The following PARD3 variants were observed in gnomAD, a reference collection of about 807,000 sequenced individuals.
The protein encoded by PARD3 is partitioning defective 3 homolog.
Under a neutral mutation model 155.4 loss-of-function variants are expected in PARD3, and 75 were observed. That is an observed-to-expected ratio of 0.48 (90% CI 0.40 to 0.58). The LOEUF is 0.58. Among genes scored for constraint, PARD3 ranks in the 20% least tolerant of loss-of-function variants. The pLI is 0.00. For synonymous variants in PARD3, 576 were observed against 610.5 expected, an observed-to-expected ratio of 0.94 and a Z score of 0.83; for missense variants, 1,642 against 1,721.7, an observed-to-expected ratio of 0.95 and a Z score of 0.82.
At chr10:34,576,663 C>T (rs1438307861) in intron 2 of PARD3, among the ~76,000 whole-genome samples, 35 of 152,116 alleles carry the variant, frequency 2.3e-4, no homozygotes, top group Non-Finnish European at 2.1e-4. Context: ...AAGGAGATGA[C>T]TGTGTGAATT....
At chr10:34,622,454 A>T (rs1302295046) in intron 2 of PARD3, among the ~76,000 whole-genome samples, 1 of 152,196 alleles carries the variant, frequency 6.6e-6, no homozygotes. Context: ...ACTTTCATCT[A>T]AAAAGCTGGC....
chr10:34,504,343 G>C (rs545775861), intron 3 of PARD3, among the ~76,000 whole-genome samples: 1 of 149,768 alleles, frequency 6.7e-6, no homozygotes, highest in South Asian at 2.1e-4. Flanking sequence ...TGCTGGTCTT[G>C]AACTCCTGGC....
intron 22 of PARD3, among the ~76,000 whole-genome samples, chr10:34,220,812 C>T (rs1013426531): frequency 6.6e-6 from 1 of 152,160 alleles, no homozygotes; most frequent in Non-Finnish European, 1.5e-5. Flanking sequence ...TATGATTCCC[C>T]AAACAGTTTG....
intron 23 of PARD3, among the ~76,000 whole-genome samples, chr10:34,123,193 T>C (rs1421407871): frequency 2.0e-5 from 3 of 152,166 alleles, no homozygotes; most frequent in African/African-American, 7.2e-5. Flanking sequence ...GATTGTAAGA[T>C]GGAAATAAAC....
intron 3 of PARD3, among the ~76,000 whole-genome samples, chr10:34,497,525 T>C (rs1266828489): frequency 6.6e-6 from 1 of 152,208 alleles, no homozygotes; most frequent in East Asian, 1.9e-4. Flanking sequence ...ATTAAGGTTA[T>C]ATTTTTTTAA....
intron 19 of PARD3, among the ~76,000 whole-genome samples, chr10:34,317,718 A>G (rs1452648153): frequency 6.6e-6 from 1 of 152,222 alleles, no homozygotes. Context: ...GAAAGAAAAT[A>G]AGCAGGCCTT....
At chr10:34,210,459 C>T (rs1002033879) in intron 22 of PARD3, among the ~76,000 whole-genome samples, 65 of 152,128 alleles carry the variant, frequency 4.3e-4, no homozygotes, top group Middle Eastern at 3.2e-3. Context: ...CTTTTAGACA[C>T]CACCTTCTGC....
intron 12 of PARD3, among the ~76,000 whole-genome samples, chr10:34,365,071 T>C (rs1432422483): frequency 6.6e-6 from 1 of 152,194 alleles, no homozygotes; most frequent in Non-Finnish European, 1.5e-5. Context: ...TGTAAAAAAA[T>C]GGTACAATAT....
At chr10:34,634,794 A>G (rs112593214) in intron 2 of PARD3, among the ~76,000 whole-genome samples, 75 of 152,344 alleles carry the variant, frequency 4.9e-4, no homozygotes, top group South Asian at 1.0e-3. Flanking sequence ...CAGAACTGGG[A>G]GCTTTTTCAG....
rs61342514 is a variant in PARD3 at position 34,727,878 on chromosome 10, CCACACACA to C, written c.121-31467_121-31460del. Among the ~76,000 whole-genome samples, 526 of 144,722 alleles carry C rather than the reference CCACACACA, an allele frequency of 3.6e-3. 1 individual carries two copies. Among genetic ancestry groups the C allele is most frequent in the African/African-American group, 0.013 (491 of 38,494 alleles). The allele number at this position is 144,722 out of a possible 152,430, so 94.9% of individuals were successfully genotyped here. A position where few individuals can be genotyped will look rare whatever the true frequency, so the allele number is the denominator to read the frequency against. On this transcript the variant is annotated intron_variant, in intron 1 of 24. Transcript: ENST00000374788. Reference sequence around the variant, plus strand: ...ACAAGTATGCAACCCCCTCCCTCCGCCACACACACACACACACACACACACACACCACT... The same window carrying C: ...ACAAGTATGCAACCCCCTCCCTCCGCCACACACACACACACACACACCACT...
chr10:34,623,454 T>A (rs1173686208), intron 2 of PARD3, among the ~76,000 whole-genome samples: 2 of 152,250 alleles, frequency 1.3e-5, no homozygotes, highest in East Asian at 3.8e-4. Context: ...ATAACTTAAA[T>A]CTTCAACTTT....
At chr10:34,242,748 A>G (rs1468594435) in intron 22 of PARD3, among the ~76,000 whole-genome samples, 1 of 152,166 alleles carries the variant, frequency 6.6e-6, no homozygotes, top group Admixed American at 6.5e-5. Flanking sequence ...AGCCTGACCA[A>G]CATGGTGAAA....
chr10:34,668,079 T>C (rs758130233), intron 2 of PARD3, among the ~76,000 whole-genome samples: 1 of 151,798 alleles, frequency 6.6e-6, no homozygotes, highest in African/African-American at 2.4e-5. Context: ...GGTGGAAAAA[T>C]AAGCAAGACA....
intron 2 of PARD3, among the ~76,000 whole-genome samples, chr10:34,662,741 A>G (rs1352323776): frequency 1.3e-5 from 2 of 152,088 alleles, no homozygotes; most frequent in Non-Finnish European, 2.9e-5. Flanking sequence ...GCGTGGTATT[A>G]GATGCCTGTA....
intron 1 of PARD3, among the ~76,000 whole-genome samples, chr10:34,765,036 T>C (rs983832704): frequency 6.6e-6 from 1 of 152,186 alleles, no homozygotes; most frequent in Non-Finnish European, 1.5e-5. Context: ...TTGCCAACTA[T>C]TAGACTTTAG....
In PARD3 at chr10:34,231,217, G is replaced by T. The variant is rs527455912; in HGVS notation, c.3419+38440C>A. ...CTTACAGGAAAAAATATATACATGA[G>T]ATATTTTTTCCTTTTGACATACACT... On this transcript the variant is annotated intron_variant, in intron 22 of 24. Coordinates refer to ENST00000374788, the MANE Select transcript of PARD3 (RefSeq NM_001184785.2). 3.7e-4 allele frequency among the ~76,000 whole-genome samples: 45 copies of T among 120,462 alleles called. 1 individual carries two copies. The highest frequency in any genetic ancestry group is 1.3e-3 in the African/African-American group (43 of 32,030). The allele number at this position is 120,462 out of a possible 152,430, so 79.0% of individuals were successfully genotyped here.
At chr10:34,261,021 G>A (rs1170410036) in intron 22 of PARD3, among the ~76,000 whole-genome samples, 1 of 152,074 alleles carries the variant, frequency 6.6e-6, no homozygotes, top group African/African-American at 2.4e-5. Flanking sequence ...TGTGATTATG[G>A]TATTTATGTT....
chr10:34,319,446 G>A (rs1340807407), intron 19 of PARD3, among the ~76,000 whole-genome samples: 1 of 151,822 alleles, frequency 6.6e-6, no homozygotes, highest in African/African-American at 2.4e-5. Flanking sequence ...CTCATTGTAA[G>A]CCATTGTCTT....
chr10:34,683,999 T>C (rs2093896114), intron 2 of PARD3, among the ~76,000 whole-genome samples: 1 of 152,204 alleles, frequency 6.6e-6, no homozygotes, highest in Admixed American at 6.5e-5. Context: ...TAAGCTCACT[T>C]AGGAGGAAAT....
Sources: allele counts gnomAD v4.1 joint callset (sites outside exome capture counted in the v4.1 genomes callset), GRCh38; gene constraint gnomAD v4.1.1; transcripts MANE v1.5; gene names NCBI Gene and HGNC (gene_info 2026-07-23, HGNC 2026-07-21).